The following HEMK2 variants were observed in gnomAD, a reference collection of about 807,000 sequenced individuals.
HEMK2 encodes HemK methyltransferase 2, ETF1 glutamine and histone H4 lysine, also known as methyltransferase HEMK2.
At chr21:28,766,465 A>T in the HEMK2 span, among the ~76,000 whole-genome samples, 643 of 152,192 alleles carry the variant, frequency 4.2e-3, 3 homozygotes, top group African/African-American at 0.014. Context: ...AAGAACTAAA[A>T]GTAGAACTAT....
At chr21:28,728,152 A>T in the HEMK2 span, among the ~76,000 whole-genome samples, 1 of 152,242 alleles carries the variant, frequency 6.6e-6, no homozygotes. Context: ...CAGTGGCAAT[A>T]GGAAACTAAT....
chr21:28,733,620 G>C, the HEMK2 span, among the ~76,000 whole-genome samples: 1 of 151,536 alleles, frequency 6.6e-6, no homozygotes, highest in Non-Finnish European at 1.5e-5. Flanking sequence ...CCAATGTTTT[G>C]AATTAAGTTG....
At chr21:28,831,502 A>G in the HEMK2 span, among the ~76,000 whole-genome samples, 61 of 85,152 alleles carry the variant, frequency 7.2e-4, no homozygotes, top group African/African-American at 2.8e-3. Context: ...AAAGAAAGAA[A>G]GAAAGAAAGA....
At chr21:28,834,283 G>A in the HEMK2 span, among the ~76,000 whole-genome samples, 5 of 152,198 alleles carry the variant, frequency 3.3e-5, no homozygotes, top group Non-Finnish European at 7.3e-5. Context: ...CCCTCTGAAG[G>A]AAGCAGACAG....
At chr21:28,674,190 T>C in the HEMK2 span, among the ~76,000 whole-genome samples, 4 of 152,194 alleles carry the variant, frequency 2.6e-5, no homozygotes, top group South Asian at 2.1e-4. Flanking sequence ...ACAGATGCCA[T>C]GGCAACATCA....
At chr21:28,821,018 C>T in the HEMK2 span, among the ~76,000 whole-genome samples, 6 of 152,316 alleles carry the variant, frequency 3.9e-5, no homozygotes, top group South Asian at 1.2e-3. Context: ...TTTCCATAAA[C>T]CAAATGTTTT....
At chr21:28,870,814 C>A in the HEMK2 span, among the ~76,000 whole-genome samples, 2 of 152,128 alleles carry the variant, frequency 1.3e-5, no homozygotes, top group East Asian at 3.8e-4. Flanking sequence ...ACTTTATAGT[C>A]AGAGAAGATT....
At chr21:28,689,892 G>A in the HEMK2 span, among the ~76,000 whole-genome samples, 1 of 152,142 alleles carries the variant, frequency 6.6e-6, no homozygotes, top group Non-Finnish European at 1.5e-5. Flanking sequence ...GGCAATGTAG[G>A]GGTGGCCTTA....
chr21:28,834,042 G>A, the HEMK2 span, among the ~76,000 whole-genome samples: 4 of 152,296 alleles, frequency 2.6e-5, no homozygotes, highest in East Asian at 5.8e-4. Flanking sequence ...GTCTGCATAC[G>A]TGTGCAACGT....
the HEMK2 span, among the ~76,000 whole-genome samples, chr21:28,824,801 G>GA: frequency 1.3e-5 from 2 of 152,138 alleles, no homozygotes; most frequent in Non-Finnish European, 2.9e-5. Context: ...ATAAAGAAGG[G>GA]AATATCCTAA....
At chr21:28,720,401 G>A in the HEMK2 span, among the ~76,000 whole-genome samples, 25 of 152,278 alleles carry the variant, frequency 1.6e-4, no homozygotes, top group African/African-American at 4.8e-4. Flanking sequence ...TGGTCCTGGA[G>A]TATGAATAGG....
At chr21:28,882,110 T>C in the HEMK2 span, 2 of 1,440,570 alleles carry the variant, frequency 1.4e-6, no homozygotes, top group South Asian at 2.5e-5. Flanking sequence ...ACCTAAAGCA[T>C]CTTAACTTTA....
At chr21:28,712,736 G>A in the HEMK2 span, among the ~76,000 whole-genome samples, 1 of 152,190 alleles carries the variant, frequency 6.6e-6, no homozygotes, top group African/African-American at 2.4e-5. Context: ...GAGAATAAAT[G>A]TTTGATCAGG....
the HEMK2 span, among the ~76,000 whole-genome samples, chr21:28,775,254 T>C: frequency 6.6e-6 from 1 of 152,170 alleles, no homozygotes; most frequent in African/African-American, 2.4e-5. Context: ...GATGATCATT[T>C]ACTGAAATTG....
chr21:28,668,694 A>G, the HEMK2 span, among the ~76,000 whole-genome samples: 4 of 152,178 alleles, frequency 2.6e-5, no homozygotes, highest in African/African-American at 4.8e-5. Context: ...ACACTTGCCA[A>G]ACTACCAGGG....
At chr21:28,727,674 T>C in the HEMK2 span, among the ~76,000 whole-genome samples, 2 of 152,240 alleles carry the variant, frequency 1.3e-5, no homozygotes, top group Admixed American at 1.3e-4. Context: ...TTTGTGGGGA[T>C]GTTAAAAATG....
At chr21:28,857,046 T>C in the HEMK2 span, among the ~76,000 whole-genome samples, 1 of 152,178 alleles carries the variant, frequency 6.6e-6, no homozygotes, top group Admixed American at 6.5e-5. Context: ...TGGCTTGGAA[T>C]TCTAGCCAGC....
chr21:28,740,669 C>T, the HEMK2 span, among the ~76,000 whole-genome samples: 4 of 152,152 alleles, frequency 2.6e-5, no homozygotes, highest in Non-Finnish European at 4.4e-5. Context: ...CAAAAGCAAC[C>T]TGCTATCTTT....
At chr21:28,825,288 G>C in the HEMK2 span, among the ~76,000 whole-genome samples, 1 of 152,210 alleles carries the variant, frequency 6.6e-6, no homozygotes, top group Non-Finnish European at 1.5e-5. Flanking sequence ...GGTCTGGAGA[G>C]GGGCCTAGAA....
Sources: gnomAD v4.1 joint callset for allele counts (sites outside exome capture counted in the v4.1 genomes callset) on GRCh38, gnomAD v4.1.1 for gene constraint, MANE v1.5 for transcripts, NCBI Gene and HGNC (gene_info 2026-07-23, HGNC 2026-07-21) for gene names.